Variants in SLC8B1 observed in about 807,000 individuals in gnomAD.
SLC8B1 encodes the protein mitochondrial sodium/calcium exchanger protein.
Under a neutral mutation model 63.4 loss-of-function variants are expected in SLC8B1, and 52 were observed. That is an observed-to-expected ratio of 0.82 (90% CI 0.66 to 1.03). The LOEUF is 1.03. Ranked by LOEUF, SLC8B1 falls within the 50% of genes least tolerant of loss-of-function variation. The pLI, the probability that SLC8B1 is intolerant of heterozygous loss-of-function variation, is 0.00. For missense variants in SLC8B1, 657 were observed against 741.7 expected, an observed-to-expected ratio of 0.89 and a Z score of 1.33; for synonymous variants, 336 against 323.9, an observed-to-expected ratio of 1.04 and a Z score of -0.40.
intron 8 of SLC8B1, 58 bp downstream of exon 8, chr12:113,318,906 G>T: frequency 7.2e-7 from 1 of 1,393,354 alleles, no homozygotes; most frequent in Non-Finnish European, 1.0e-6. Flanking sequence ...CAGCACTGAA[G>T]GGCACAGAGG....
At chr12:113,301,088 A>G (rs1277775776) in intron 15 of SLC8B1, among the ~76,000 whole-genome samples, 1 of 152,106 alleles carries the variant, frequency 6.6e-6, no homozygotes, top group Admixed American at 6.5e-5. Context: ...GCGAGCCAAG[A>G]TTGCACCACT....
chr12:113,319,649 T>C (rs1465812630), intron 7 of SLC8B1, among the ~76,000 whole-genome samples: 1 of 152,182 alleles, frequency 6.6e-6, no homozygotes, highest in Non-Finnish European at 1.5e-5. Context: ...TCGGTTTCCC[T>C]TGCTGGTTTC....
chr12:113,329,693 A>AGGAAACC (rs1957035250), intron 2 of SLC8B1, among the ~76,000 whole-genome samples: 1 of 152,010 alleles, frequency 6.6e-6, no homozygotes, highest in Non-Finnish European at 1.5e-5. Context: ...TTCCTATGTC[A>AGGAAACC]CTAACTCAGT....
At chr12:113,300,089 G>T in intron 15 of SLC8B1, 115 bp from the exon 16 acceptor site, 1 of 787,200 alleles carries the variant, frequency 1.3e-6, no homozygotes. Flanking sequence ...CAACAATGCA[G>T]CCTCAGCAAC....
At chr12:113,311,721 T>A (rs867433071) in intron 11 of SLC8B1, among the ~76,000 whole-genome samples, 12 of 94,590 alleles carry the variant, frequency 1.3e-4, no homozygotes, top group African/African-American at 5.9e-4. Context: ...TTTTTTTTTT[T>A]TAGACAGGGT....
intron 2 of SLC8B1, among the ~76,000 whole-genome samples, chr12:113,327,681 CAAA>C (rs1190508653): frequency 1.9e-5 from 2 of 104,744 alleles, no homozygotes; most frequent in Non-Finnish European, 2.0e-5. Context: ...GACTCTGTCT[CAAA>C]AAAAAAAAAA....
intron 13 of SLC8B1, among the ~76,000 whole-genome samples, chr12:113,307,163 A>G (rs1390060529): frequency 2.3e-5 from 3 of 132,948 alleles, no homozygotes; most frequent in East Asian, 2.4e-4. Context: ...TACGGCTACC[A>G]ATTTTTCAAA....
At chr12:113,315,122 T>C (rs1038267315) in intron 11 of SLC8B1, among the ~76,000 whole-genome samples, 5 of 152,054 alleles carry the variant, frequency 3.3e-5, no homozygotes, top group African/African-American at 1.2e-4. Flanking sequence ...CCCGTCTCTG[T>C]GAAAAATACA....
chr12:113,306,612 G>A (rs774096158), intron 13 of SLC8B1, 37 bp from the exon 14 acceptor site: 15 of 1,563,048 alleles, frequency 9.6e-6, no homozygotes, highest in Non-Finnish European at 3.5e-6. Flanking sequence ...GTGGTGAGTC[G>A]CTTCCCCCAC....
chr12:113,320,554 C>T lies in SLC8B1; in HGVS notation c.526+27G>A, dbSNP rs757695016. 52 of 1,613,774 alleles carry T rather than the reference C, an allele frequency of 3.2e-5. No individual in the cohort carries two copies. Among genetic ancestry groups the T allele is most frequent in the South Asian group, 2.4e-4 (22 of 91,074 alleles). The stretch of plus-strand genomic sequence containing the variant: ...CTGCACCCTCTCCTGCTGCTTTCCC[C>T]GCCCCCCTCACTGGGGCTGCTCTCA... On this transcript the variant is annotated intron_variant, in intron 6 of 15. Coordinates refer to ENST00000680972, the MANE Select transcript of SLC8B1 (RefSeq NM_001358345.2). This position sits in a 1 kb window ranked among gnomAD's most constrained non-coding sequence, Gnocchi z 5.3.
chr12:113,313,323 G>C (rs1956787669), intron 11 of SLC8B1, among the ~76,000 whole-genome samples: 1 of 149,236 alleles, frequency 6.7e-6, no homozygotes. Flanking sequence ...CAACAAATTT[G>C]CCTTAAAAAA....
intron 14 of SLC8B1, among the ~76,000 whole-genome samples, chr12:113,306,066 CAAAAAA>C (rs60824560): frequency 1.7e-4 from 3 of 18,100 alleles, no homozygotes; most frequent in South Asian, 5.6e-3. Flanking sequence ...CCCCACCCTG[CAAAAAA>C]AAAAAAAAAA....
rs777194259 is a variant in SLC8B1 at position 113,318,977 on chromosome 12, C to T, written c.789G>A (p.Met263Ile). Residue 263 changes from methionine (M) to isoleucine (I), a missense_variant, in exon 8 of 16, where the codon ATG becomes ATA. Met to Ile is a conservative substitution (Grantham distance 10). Transcript: ENST00000680972. ...GCAGACTCTTACCTGGAGTAACTGG[C>T]ATGGGGCAGAACAGAGATCCTCTCC... ...RQRRGSLFCP[M>I]PVTPEILSDS... The T allele has an allele frequency of 4.3e-6, 7 of 1,613,824 alleles. No individual in the cohort carries two copies. In the Admixed American group the frequency reaches 1.2e-4, roughly 27 times the overall value.
In SLC8B1 at chr12:113,305,036, C is replaced by G. The variant is rs571259515; in HGVS notation, c.1493-651G>C. Among the ~76,000 whole-genome samples, 1 of 152,362 alleles carries G rather than the reference C, an allele frequency of 6.6e-6. No homozygotes were observed. The highest frequency in any genetic ancestry group is 1.9e-4 in the East Asian group (1 of 5,188). On this transcript the variant is annotated intron_variant, in intron 14 of 15. Coordinates refer to ENST00000680972, the MANE Select transcript of SLC8B1 (RefSeq NM_001358345.2). The surrounding 1 kb of genome is among the most constrained non-coding windows in gnomAD (Gnocchi z 4.3). ...GCTGAGTAAGTGTTGCAGTCAGTCT[C>G]TAAGGATCGAACACCTTAGGGTGCC...
intron 2 of SLC8B1, among the ~76,000 whole-genome samples, chr12:113,321,905 T>C (rs1593255492): frequency 6.6e-6 from 1 of 152,202 alleles, no homozygotes; most frequent in East Asian, 1.9e-4. Context: ...ACAATAATTC[T>C]ATGATGGCTG....
intron 10 of SLC8B1, among the ~76,000 whole-genome samples, chr12:113,315,848 C>T (rs947423223): frequency 2.6e-5 from 4 of 152,212 alleles, no homozygotes; most frequent in African/African-American, 9.6e-5. Context: ...CAGTCTCTGA[C>T]TCTGACCCTC....
At position 113,305,302 on chromosome 12, in the gene SLC8B1, T is replaced by C. The variant is rs1956655910; in HGVS notation, c.1493-917A>G. ...GGGCCACCAAGGGCCTTGCTCAGCC[T>C]GGGAGTTAAAAGGGCAGGCATCACT... On this transcript the variant is annotated intron_variant, in intron 14 of 15. Coordinates refer to ENST00000680972, the MANE Select transcript of SLC8B1 (RefSeq NM_001358345.2). This position sits in a 1 kb window ranked among gnomAD's most constrained non-coding sequence, Gnocchi z 4.3. Among the ~76,000 whole-genome samples, 1 of 152,236 alleles carries C rather than the reference T, an allele frequency of 6.6e-6. No individual in the cohort carries two copies. Among genetic ancestry groups the C allele is most frequent in the Non-Finnish European group, 1.5e-5 (1 of 68,034 alleles).
intron 10 of SLC8B1, among the ~76,000 whole-genome samples, chr12:113,315,751 G>C (rs1412545011): frequency 2.2e-4 from 33 of 152,156 alleles, no homozygotes; most frequent in Admixed American, 2.2e-3. Flanking sequence ...GAAGCTCTAG[G>C]GGAGACTGAG....
intron 11 of SLC8B1, among the ~76,000 whole-genome samples, chr12:113,315,070 G>C (rs1236273838): frequency 6.6e-6 from 1 of 152,244 alleles, no homozygotes; most frequent in Non-Finnish European, 1.5e-5. Context: ...CGGATCACTT[G>C]AGGTCAGGAA....
Sources: allele counts gnomAD v4.1 joint callset (sites outside exome capture counted in the v4.1 genomes callset), GRCh38; gene constraint gnomAD v4.1.1; non-coding constraint Gnocchi (gnomAD v3.1); transcripts MANE v1.5; gene names NCBI Gene and HGNC (gene_info 2026-07-23, HGNC 2026-07-21).